HDAC4: variants seen among roughly 807,000 people sequenced by gnomAD.
The protein encoded by HDAC4 is histone deacetylase A.
A neutral mutation model predicts 135.1 loss-of-function variants in HDAC4; 16 were observed. That is an observed-to-expected ratio of 0.12 (90% CI 0.08 to 0.18). The LOEUF (loss-of-function observed/expected upper bound fraction) is 0.18. Among genes scored for constraint, HDAC4 ranks in the 10% least tolerant of loss-of-function variants. HDAC4 has a pLI of 1.00. For missense variants in HDAC4, 1,143 were observed against 1,511.8 expected (o/e 0.76, Z 4.05); for synonymous variants, 685 against 653.4 (o/e 1.05, Z -0.74).
At chr2:239,116,266 C>T (rs540652341) in intron 12 of HDAC4, among the ~76,000 whole-genome samples, 138 of 152,352 alleles carry the variant, frequency 9.1e-4, no homozygotes, top group African/African-American at 3.1e-3. Context: ...GCCTGCCAGA[C>T]GCCTCAGCTT....
intron 2 of HDAC4, among the ~76,000 whole-genome samples, chr2:239,287,666 C>G (rs1330771640): frequency 6.6e-6 from 1 of 152,124 alleles, no homozygotes; most frequent in Admixed American, 6.5e-5. Flanking sequence ...AAGATAAGAG[C>G]AGGCATTTAA....
intron 5 of HDAC4, among the ~76,000 whole-genome samples, chr2:239,172,294 ATATATATAT>A (rs370263145): frequency 7.3e-6 from 1 of 136,936 alleles, no homozygotes; most frequent in African/African-American, 2.8e-5. Context: ...GTGAAAAAAA[ATATATATAT>A]ATATATATAT....
intron 2 of HDAC4, among the ~76,000 whole-genome samples, chr2:239,261,999 C>A (rs2049401743): frequency 6.6e-6 from 1 of 152,200 alleles, no homozygotes; most frequent in African/African-American, 2.4e-5. Flanking sequence ...TTGGCCTCTT[C>A]CCTGAAGGCC....
At chr2:239,326,507 A>C (rs1424266645) in intron 2 of HDAC4, among the ~76,000 whole-genome samples, 3 of 152,250 alleles carry the variant, frequency 2.0e-5, no homozygotes, top group African/African-American at 7.2e-5. Context: ...GCTTAGAATT[A>C]TAAATTTATG....
At chr2:239,104,176 GT>G (rs1372229206) in intron 15 of HDAC4, among the ~76,000 whole-genome samples, 1 of 152,214 alleles carries the variant, frequency 6.6e-6, no homozygotes, top group Non-Finnish European at 1.5e-5. Flanking sequence ...TACTCTCTGG[GT>G]AGGGGTCAGG....
rs950592857 is a variant in HDAC4 at position 239,303,112 on chromosome 2, GC to G, written c.22+49565del. Among the ~76,000 whole-genome samples the G allele has an allele frequency of 2.0e-4, 31 of 152,260 alleles. No individual in the cohort carries two copies. The highest frequency in any genetic ancestry group is 9.2e-4 in the Admixed American group (14 of 15,298). On this transcript the variant is annotated intron_variant, in intron 2 of 26. Transcript: ENST00000543185. This position sits in a 1 kb window ranked among gnomAD's most constrained non-coding sequence, Gnocchi z 5.1. ...AAGCCCAGCTCAGGGTTCAGGGTGG[GC>G]CCCTGGATTCAAAGTGGCAACAGAG...
At chr2:239,090,762 ACAATG>A (rs1403940290) in intron 17 of HDAC4, among the ~76,000 whole-genome samples, 2 of 152,230 alleles carry the variant, frequency 1.3e-5, no homozygotes, top group Non-Finnish European at 2.9e-5. Context: ...ACTGGTAAGT[ACAATG>A]CAAATATTCC....
At chr2:239,063,305 A>G (rs989136833) in intron 24 of HDAC4, among the ~76,000 whole-genome samples, 2 of 150,694 alleles carry the variant, frequency 1.3e-5, no homozygotes, top group Admixed American at 6.6e-5. Context: ...GGTTCACGCC[A>G]TTCTCCTGCC....
chr2:239,201,656 C>T (rs2045763274), intron 3 of HDAC4, among the ~76,000 whole-genome samples: 1 of 152,200 alleles, frequency 6.6e-6, no homozygotes, highest in East Asian at 1.9e-4. Flanking sequence ...CAGCCAGGCC[C>T]CACCTCCCTT....
intron 2 of HDAC4, among the ~76,000 whole-genome samples, chr2:239,346,282 A>G (rs1309904337): frequency 6.6e-6 from 1 of 151,006 alleles, no homozygotes; most frequent in African/African-American, 2.4e-5. Flanking sequence ...TAACACACAT[A>G]CCACACCCTA....
chr2:239,251,301 T>C (rs1274773158), intron 2 of HDAC4, among the ~76,000 whole-genome samples: 1 of 152,086 alleles, frequency 6.6e-6, no homozygotes, highest in Non-Finnish European at 1.5e-5. Flanking sequence ...GGGTAAAGAT[T>C]TCCATTCCCA....
chr2:239,213,901 G>A (rs537167404), intron 3 of HDAC4, among the ~76,000 whole-genome samples: 35 of 152,350 alleles, frequency 2.3e-4, no homozygotes, highest in Middle Eastern at 3.4e-3. Context: ...GTGCCTAACC[G>A]CCTGCTAGTC....
At chr2:239,080,385 T>G (rs2035193964) in intron 22 of HDAC4, among the ~76,000 whole-genome samples, 1 of 152,228 alleles carries the variant, frequency 6.6e-6, no homozygotes, top group Non-Finnish European at 1.5e-5. Context: ...TCTCCTCACG[T>G]GGCTCTGGGA....
intron 3 of HDAC4, among the ~76,000 whole-genome samples, chr2:239,210,884 A>G (rs2046325405): frequency 1.3e-5 from 2 of 152,188 alleles, no homozygotes; most frequent in South Asian, 2.1e-4. Context: ...TCCACGGGAC[A>G]AGGACGAAAA....
intron 12 of HDAC4, among the ~76,000 whole-genome samples, chr2:239,124,384 T>A (rs1287339212): frequency 6.6e-6 from 1 of 152,254 alleles, no homozygotes; most frequent in East Asian, 1.9e-4. Flanking sequence ...ACGTTTTATG[T>A]GCATGAAATC....
intron 17 of HDAC4, chr2:239,091,205 G>GT: frequency 6.6e-6 from 1 of 152,398 alleles, no homozygotes; most frequent in South Asian, 2.1e-4. Context: ...GACAGACAGA[G>GT]ACCTGGACAG....
chr2:239,312,596 CT>C (rs1465948338), intron 2 of HDAC4, among the ~76,000 whole-genome samples: 1 of 152,234 alleles, frequency 6.6e-6, no homozygotes, highest in Non-Finnish European at 1.5e-5. Context: ...GCCAAGTCAC[CT>C]TTCCTCTATG....
chr2:239,256,506 C>G (rs1391363474), intron 2 of HDAC4, among the ~76,000 whole-genome samples: 3 of 152,244 alleles, frequency 2.0e-5, no homozygotes, highest in Admixed American at 6.5e-5. Flanking sequence ...CCCAGAAGGC[C>G]AGGACTTCAC....
At chr2:239,215,590 T>C (rs1487253046) in intron 3 of HDAC4, among the ~76,000 whole-genome samples, 1 of 152,138 alleles carries the variant, frequency 6.6e-6, no homozygotes. Flanking sequence ...TCCATCTCTC[T>C]TCTCTGGTCA....
Sources: allele counts gnomAD v4.1 joint callset (sites outside exome capture counted in the v4.1 genomes callset), GRCh38; gene constraint gnomAD v4.1.1; non-coding constraint Gnocchi (gnomAD v3.1); transcripts MANE v1.5; gene names NCBI Gene and HGNC (gene_info 2026-07-23, HGNC 2026-07-21).